The following HDAC4 variants were observed in gnomAD, a reference collection of about 807,000 sequenced individuals.
The protein encoded by HDAC4 is histone deacetylase A.
HDAC4 carries 16 observed loss-of-function variants against 135.1 expected under a neutral mutation model. The observed-to-expected ratio is 0.12, with a 90% CI of 0.08 to 0.18. HDAC4 has a LOEUF of 0.18. Among genes scored for constraint, HDAC4 ranks in the 10% least tolerant of loss-of-function variants. HDAC4 has a pLI of 1.00. For missense variants in HDAC4, 1,143 were observed against 1,511.8 expected, an observed-to-expected ratio of 0.76 and a Z score of 4.05; for synonymous variants, 685 against 653.4, an observed-to-expected ratio of 1.05 and a Z score of -0.74.
chr2:239,101,355 C>T (rs2037611474), intron 16 of HDAC4, among the ~76,000 whole-genome samples: 2 of 152,168 alleles, frequency 1.3e-5, no homozygotes, highest in Admixed American at 6.5e-5. Context: ...GTGCCCTCGG[C>T]GAGTGGATGA....
At chr2:239,243,967 GAC>G in intron 2 of HDAC4, among the ~76,000 whole-genome samples, 1 of 152,144 alleles carries the variant, frequency 6.6e-6, no homozygotes, top group Admixed American at 6.5e-5. Context: ...CAGTATCTCA[GAC>G]CTTCCTTGTT....
At chr2:239,287,552 T>C (rs1406964897) in intron 2 of HDAC4, among the ~76,000 whole-genome samples, 2 of 152,156 alleles carry the variant, frequency 1.3e-5, no homozygotes, top group Non-Finnish European at 2.9e-5. Context: ...TCAAGGGAAC[T>C]GTGTAGCTTA....
chr2:239,356,500 C>G (rs1693498213), intron 1 of HDAC4, among the ~76,000 whole-genome samples: 1 of 152,208 alleles, frequency 6.6e-6, no homozygotes. Flanking sequence ...ACTATACACC[C>G]AGCTATGTGC....
chr2:239,115,055 G>C lies in HDAC4; in HGVS notation c.1789C>G (p.Gln597Glu), dbSNP rs781356934. ...QPSEQELLFR[Q>E]QALLLEQQRI... is the part of the protein sequence containing the mutation. ...GTGCCCTCCCCGCCTGCGGTCACCT[G>C]TCTGAAGAGCAGCTCCTGCTCACTG... The change falls in exon 13 of 27, where the codon CAG (glutamine) becomes GAG (glutamate). Residue 597 changes from glutamine (Q) to glutamate (E), a missense_variant and splice_region_variant. This residue lies in a region of HDAC4 where 196 missense variants were observed against 210.7 expected (regional missense o/e 0.93). Coordinates refer to ENST00000543185, the MANE Select transcript of HDAC4 (RefSeq NM_001378414.1). The surrounding 1 kb of genome is among the most constrained non-coding windows in gnomAD (Gnocchi z 6.3). 6.2e-7 allele frequency: 1 copy of C among 1,610,200 alleles called. No homozygotes were observed. The highest frequency in any genetic ancestry group is 1.1e-5 in the South Asian group (1 of 91,076).
rs781607226 is a variant in HDAC4 at position 239,115,336 on chromosome 2, GCA to G, written c.1534-28_1534-27del. On this transcript the variant is annotated intron_variant, in intron 12 of 26. Transcript: ENST00000543185. The surrounding 1 kb of genome is among the most constrained non-coding windows in gnomAD (Gnocchi z 6.3). ...CTGCAAGGCGGAGGTAACACATGAA[GCA>G]CAGAGAGCTGGGTCCTCTGAGCTCA... is the stretch of plus-strand genomic sequence containing the variant. 4 of 1,612,656 alleles carry G rather than the reference GCA, an allele frequency of 2.5e-6. No homozygotes were observed. In the South Asian group the frequency reaches 3.3e-5, roughly 13 times the overall value.
At chr2:239,363,849 A>G (rs1190948203) in intron 1 of HDAC4, among the ~76,000 whole-genome samples, 1 of 152,262 alleles carries the variant, frequency 6.6e-6, no homozygotes, top group Non-Finnish European at 1.5e-5. Flanking sequence ...TTCAAAATGT[A>G]TAAATAATTC....
At chr2:239,269,199 T>C (rs1448405516) in intron 2 of HDAC4, among the ~76,000 whole-genome samples, 1 of 149,806 alleles carries the variant, frequency 6.7e-6, no homozygotes, top group Non-Finnish European at 1.5e-5. Context: ...CCACACACAT[T>C]CACACACCCA....
At chr2:239,169,115 C>T (rs1279412240) in intron 5 of HDAC4, among the ~76,000 whole-genome samples, 1 of 152,208 alleles carries the variant, frequency 6.6e-6, no homozygotes, top group Non-Finnish European at 1.5e-5. Flanking sequence ...TTAGACCAAG[C>T]TGCTTTTTAG....
intron 2 of HDAC4, among the ~76,000 whole-genome samples, chr2:239,350,509 G>T (rs1197143756): frequency 6.6e-6 from 1 of 151,948 alleles, no homozygotes; most frequent in Non-Finnish European, 1.5e-5. Context: ...ATAAATGAGA[G>T]AACTTTTTTT....
chr2:239,304,473 G>A (rs2125649362), intron 2 of HDAC4, among the ~76,000 whole-genome samples: 1 of 152,346 alleles, frequency 6.6e-6, no homozygotes, highest in East Asian at 1.9e-4. Context: ...GAGCCCCCAT[G>A]AGGATAGAGG....
intron 1 of HDAC4, among the ~76,000 whole-genome samples, chr2:239,391,153 G>C (rs1696177712): frequency 6.6e-6 from 1 of 152,218 alleles, no homozygotes; most frequent in Non-Finnish European, 1.5e-5. Context: ...TCACGAGCCG[G>C]GCTCTGCATA....
At chr2:239,342,574 A>G (rs1692357892) in intron 2 of HDAC4, among the ~76,000 whole-genome samples, 3 of 152,240 alleles carry the variant, frequency 2.0e-5, no homozygotes, top group Admixed American at 2.0e-4. Context: ...GTCTTGGTGA[A>G]AGCTAGGAAA....
intron 24 of HDAC4, among the ~76,000 whole-genome samples, chr2:239,064,957 C>T (rs1399447538): frequency 6.6e-6 from 1 of 152,226 alleles, no homozygotes; most frequent in African/African-American, 2.4e-5. Context: ...CGAACGATGC[C>T]TGCACACCAG....
intron 1 of HDAC4, among the ~76,000 whole-genome samples, chr2:239,370,286 T>G (rs1694512517): frequency 6.6e-6 from 1 of 152,120 alleles, no homozygotes; most frequent in Non-Finnish European, 1.5e-5. Flanking sequence ...ACCCCACAGC[T>G]CTGAAATGTT....
At chr2:239,336,244 T>C (rs1353992039) in intron 2 of HDAC4, among the ~76,000 whole-genome samples, 1 of 152,196 alleles carries the variant, frequency 6.6e-6, no homozygotes, top group Non-Finnish European at 1.5e-5. Flanking sequence ...AGAGGACATA[T>C]ACGGGGCTTC....
intron 2 of HDAC4, among the ~76,000 whole-genome samples, chr2:239,286,476 A>G (rs760227759): frequency 7.9e-5 from 12 of 152,212 alleles, no homozygotes; most frequent in Middle Eastern, 3.2e-3. Context: ...TTGAAAACCC[A>G]TAAGAGCCAC....
intron 1 of HDAC4, among the ~76,000 whole-genome samples, chr2:239,394,040 A>T (rs1377210635): frequency 8.2e-6 from 1 of 122,112 alleles, no homozygotes; most frequent in African/African-American, 3.1e-5. Flanking sequence ...TCCTCAGTTT[A>T]AAAAAGAACC....
intron 1 of HDAC4, among the ~76,000 whole-genome samples, chr2:239,377,167 C>A (rs1695068827): frequency 1.3e-5 from 2 of 152,184 alleles, no homozygotes; most frequent in Admixed American, 6.5e-5. Flanking sequence ...CAAAGGCTAC[C>A]TCTGCTCACT....
chr2:239,247,476 C>T (rs1211372275), intron 2 of HDAC4, among the ~76,000 whole-genome samples: 1 of 152,216 alleles, frequency 6.6e-6, no homozygotes, highest in Admixed American at 6.5e-5. Flanking sequence ...GAGAGACTCC[C>T]TTTGCTCCTC....
Sources: gnomAD v4.1 joint callset for allele counts (sites outside exome capture counted in the v4.1 genomes callset) on GRCh38, gnomAD v4.1.1 for gene constraint, gnomAD v4.1.1 regional missense constraint, Gnocchi (gnomAD v3.1) non-coding constraint, MANE v1.5 for transcripts, NCBI Gene and HGNC (gene_info 2026-07-23, HGNC 2026-07-21) for gene names.